Variants in CCDC50 observed in about 807,000 individuals in gnomAD.
The protein encoded by CCDC50 is coiled-coil domain containing 50, also known as coiled-coil domain-containing protein 50.
CCDC50 carries 54 observed loss-of-function variants against 70.2 expected under a neutral mutation model. The ratio of observed to expected loss-of-function variants is 0.77; its 90% CI spans 0.62 to 0.96. The LOEUF is 0.96. Ranked by LOEUF, CCDC50 falls within the 50% of genes least tolerant of loss-of-function variation. The pLI is 0.00. For missense variants in CCDC50, 558 were observed against 578.7 expected, an observed-to-expected ratio of 0.96 and a Z score of 0.37; for synonymous variants, 216 against 198.8, an observed-to-expected ratio of 1.09 and a Z score of -0.73.
chr3:191,389,837 G>A (rs573161367), intron 11 of CCDC50, among the ~76,000 whole-genome samples: 200 of 145,622 alleles, frequency 1.4e-3, no homozygotes, highest in African/African-American at 4.7e-3. Context: ...GGAGCACAAC[G>A]CTTTCATCAA....
intron 1 of CCDC50, among the ~76,000 whole-genome samples, chr3:191,339,381 A>T (rs1711636344): frequency 6.6e-6 from 1 of 152,168 alleles, no homozygotes; most frequent in Non-Finnish European, 1.5e-5. Flanking sequence ...CCATCTAAAT[A>T]ATTTTGACTC....
At chr3:191,387,357 C>T (rs1715641) in intron 10 of CCDC50, among the ~76,000 whole-genome samples, 93,280 of 151,934 alleles carry the variant, frequency 0.61, 32,181 homozygotes, top group Non-Finnish European at 0.78. Context: ...TTCATGAGAA[C>T]GGTAGGAAAC....
intron 4 of CCDC50, among the ~76,000 whole-genome samples, chr3:191,365,936 A>G (rs749054396): frequency 4.6e-5 from 7 of 152,164 alleles, no homozygotes; most frequent in Non-Finnish European, 1.0e-4. Flanking sequence ...CATCATGTCT[A>G]TGCTTCAGAA....
At chr3:191,334,049 G>A (rs965362602) in intron 1 of CCDC50, among the ~76,000 whole-genome samples, 2 of 152,030 alleles carry the variant, frequency 1.3e-5, no homozygotes, top group African/African-American at 4.8e-5. Context: ...ATTTTTACTT[G>A]AGTAATAATA....
At chr3:191,357,903 G>T in intron 2 of CCDC50, 95 bp from the exon 3 acceptor site, 1 of 1,482,864 alleles carries the variant, frequency 6.7e-7, no homozygotes, top group Non-Finnish European at 9.4e-7. Context: ...TGGATGCAAA[G>T]CTGTTGTTAT....
chr3:191,341,927 A>G (rs1211616286), intron 1 of CCDC50, among the ~76,000 whole-genome samples: 1 of 152,184 alleles, frequency 6.6e-6, no homozygotes, highest in Non-Finnish European at 1.5e-5. Context: ...TATTATTTTT[A>G]TGTAAGCTTA....
intron 1 of CCDC50, among the ~76,000 whole-genome samples, chr3:191,334,658 C>T (rs1208725836): frequency 6.6e-6 from 1 of 152,122 alleles, no homozygotes; most frequent in African/African-American, 2.4e-5. Context: ...CTTATTCTTC[C>T]CTCCATTTCT....
At chr3:191,361,611 C>T (rs1298831413) in intron 4 of CCDC50, among the ~76,000 whole-genome samples, 1 of 152,200 alleles carries the variant, frequency 6.6e-6, no homozygotes, top group South Asian at 2.1e-4. Flanking sequence ...TCCATTGTCA[C>T]ATGGCTTTAT....
At chr3:191,387,593 GCTCTTAAGAAGTA>G (rs920305363) in intron 10 of CCDC50, among the ~76,000 whole-genome samples, 10 of 151,680 alleles carry the variant, frequency 6.6e-5, no homozygotes, top group South Asian at 2.1e-4. Flanking sequence ...ATTCTAGATT[GCTCTTAAGAAGTA>G]CTCTTAAGAA....
chr3:191,361,570 G>A (rs1331000348), intron 4 of CCDC50, among the ~76,000 whole-genome samples: 1 of 152,066 alleles, frequency 6.6e-6, no homozygotes, highest in African/African-American at 2.4e-5. Flanking sequence ...GGCATTCCTT[G>A]GCTTGTATCT....
chr3:191,343,692 T>A (rs115948330), intron 1 of CCDC50, among the ~76,000 whole-genome samples: 2,213 of 152,308 alleles, frequency 0.015, 51 homozygotes, highest in African/African-American at 0.05. Context: ...GGAGAATGTT[T>A]CTTCAGTTGT....
chr3:191,389,493 T>C lies in CCDC50; in HGVS notation c.1323-3T>C, dbSNP rs766472025. On this transcript the variant is annotated splice_polypyrimidine_tract_variant and splice_region_variant and intron_variant, in intron 10 of 11. Transcript: ENST00000392455. The stretch of plus-strand genomic sequence containing the variant: ...GCCCCTTTAAATTCTGGATTCCTTT[T>C]AGGCCACCACCACCTATCATGACAG... 1 of 1,613,238 alleles carries C rather than the reference T, an allele frequency of 6.2e-7. No homozygotes were observed. Among genetic ancestry groups the C allele is most frequent in the South Asian group, 1.1e-5 (1 of 91,074 alleles).
chr3:191,336,015 A>G (rs1711515112), intron 1 of CCDC50, among the ~76,000 whole-genome samples: 1 of 151,924 alleles, frequency 6.6e-6, no homozygotes, highest in Admixed American at 6.6e-5. Flanking sequence ...ATCATATAGT[A>G]AGTAGTTTTT....
chr3:191,363,674 A>G (rs184982005), intron 4 of CCDC50, among the ~76,000 whole-genome samples: 1 of 152,344 alleles, frequency 6.6e-6, no homozygotes, highest in Non-Finnish European at 1.5e-5. Context: ...AAGCGTTTAC[A>G]CACGTGTCAT....
At chr3:191,344,801 A>G (rs1047973086) in intron 1 of CCDC50, among the ~76,000 whole-genome samples, 6 of 152,130 alleles carry the variant, frequency 3.9e-5, no homozygotes, top group African/African-American at 1.2e-4. Context: ...CTGGTCTCGA[A>G]CTCGGGAGCT....
At position 191,351,265 on chromosome 3, in the gene CCDC50, A is replaced by G; in HGVS notation, c.50-5823A>G. Among the ~76,000 whole-genome samples, 2 of 142,316 alleles carry G rather than the reference A, an allele frequency of 1.4e-5. 1 individual carries two copies. The highest frequency in any genetic ancestry group is 3.2e-5 in the Non-Finnish European group (2 of 63,116). The allele number at this position is 142,316 out of a possible 152,430, so 93.4% of individuals were successfully genotyped here. A position where few individuals can be genotyped will look rare whatever the true frequency, so the allele number is the denominator to read the frequency against. On this transcript the variant is annotated intron_variant, in intron 1 of 11. Transcript: ENST00000392455. ...GTGAAAGCTGAGGAGATCTTAATCT[A>G]GTACTGTTAATGACTAAGAAAAGAA...
chr3:191,342,046 CTT>C (rs1179316129), intron 1 of CCDC50, among the ~76,000 whole-genome samples: 2 of 152,206 alleles, frequency 1.3e-5, no homozygotes, highest in Non-Finnish European at 2.9e-5. Context: ...CTCAAGGTAT[CTT>C]TTAGACAAAC....
At chr3:191,368,619 G>A (rs1337228214) in intron 4 of CCDC50, among the ~76,000 whole-genome samples, 4 of 137,060 alleles carry the variant, frequency 2.9e-5, no homozygotes, top group Non-Finnish European at 6.0e-5. Context: ...CCATCTGAGG[G>A]TATTCTTCAT....
Position 191,398,277 on chromosome 3 carries a change from G to A in CCDC50, c.*6517G>A, listed in dbSNP as rs1713927357. 1 of 152,092 alleles carries A rather than the reference G, an allele frequency of 6.6e-6. No homozygotes were observed. The highest frequency in any genetic ancestry group is 1.9e-4 in the East Asian group (1 of 5,182). 9.4% of individuals were successfully genotyped at this position (152,092 alleles called of 1,614,324 possible). On this transcript the variant is annotated 3_prime_UTR_variant, in exon 12 of 12. Transcript: ENST00000392455. ...GTTTTTTACACTATATTTCTCATTAGGTTCTTTAAACATCAGGTTTAATAT... is the reference window on the plus strand; with the variant it reads ...GTTTTTTACACTATATTTCTCATTAAGTTCTTTAAACATCAGGTTTAATAT...
Sources: allele counts gnomAD v4.1 joint callset (sites outside exome capture counted in the v4.1 genomes callset), GRCh38; gene constraint gnomAD v4.1.1; transcripts MANE v1.5; gene names NCBI Gene and HGNC (gene_info 2026-07-23, HGNC 2026-07-21).